RALB: variants seen among roughly 807,000 people sequenced by gnomAD.
RALB encodes the protein ras-related protein Ral-B.
Under a neutral mutation model 21.3 loss-of-function variants are expected in RALB, and 16 were observed. The ratio of observed to expected loss-of-function variants is 0.75; its 90% confidence interval spans 0.51 to 1.14. The LOEUF (loss-of-function observed/expected upper bound fraction) is 1.14, where lower values mean the gene tolerates loss of function less well. RALB is among the 50% of genes most tolerant of loss of function. The probability of loss-of-function intolerance (pLI) is 0.00; values close to 1 mark genes in which losing one functional copy is unlikely to be tolerated. For missense variants in RALB, 161 were observed against 256.2 expected, an observed-to-expected ratio of 0.63 and a Z score of 2.54; for synonymous variants, 93 against 96.1, an observed-to-expected ratio of 0.97 and a Z score of 0.19.
upstream of RALB, among the ~76,000 whole-genome samples, chr2:120,248,144 A>T (rs1689000634): frequency 6.6e-6 from 1 of 152,230 alleles, no homozygotes; most frequent in African/African-American, 2.4e-5. Flanking sequence ...GTCCAGAATC[A>T]TCAGCAGGTG....
chr2:120,268,302 C>T (rs1022597979), intron 1 of RALB, among the ~76,000 whole-genome samples: 8 of 133,582 alleles, frequency 6.0e-5, no homozygotes, highest in East Asian at 2.1e-4. Flanking sequence ...GCCCTATCCT[C>T]GGCCTCCTTC....
intron 1 of RALB, among the ~76,000 whole-genome samples, chr2:120,273,645 C>T (rs1390905096): frequency 6.6e-6 from 1 of 152,242 alleles, no homozygotes; most frequent in Non-Finnish European, 1.5e-5. Context: ...AAATTCCTCT[C>T]AGGGTTGGTG....
At chr2:120,284,994 AAAG>A (rs1221051605) in intron 2 of RALB, among the ~76,000 whole-genome samples, 3 of 152,182 alleles carry the variant, frequency 2.0e-5, no homozygotes, top group Non-Finnish European at 2.9e-5. Flanking sequence ...CACACCACTG[AAAG>A]CCTCTTGGTA....
chr2:120,291,829 G>A lies in RALB; in HGVS notation c.502-1312G>A, dbSNP rs566623021. ...CCTGATCTAGCTGGGGGCTGGGGTT[G>A]GGGGTGCTTTTCTGTGCCTGGAGCT... On this transcript the variant is annotated intron_variant, in intron 4 of 4. Transcript: ENST00000272519. 1.4e-4 allele frequency among the ~76,000 whole-genome samples: 21 copies of A among 152,266 alleles called. 1 individual carries two copies. In the South Asian group the frequency reaches 4.2e-3, roughly 30 times the overall value.
At chr2:120,276,113 T>A (rs1573344719) in intron 1 of RALB, among the ~76,000 whole-genome samples, 1 of 151,676 alleles carries the variant, frequency 6.6e-6, no homozygotes, top group Non-Finnish European at 1.5e-5. Context: ...TTCTTTCCTA[T>A]TGCACATGTG....
chr2:120,279,439 G>T (rs1260430172), intron 2 of RALB, among the ~76,000 whole-genome samples: 1 of 151,864 alleles, frequency 6.6e-6, no homozygotes, highest in Non-Finnish European at 1.5e-5. Flanking sequence ...GAAAATATTC[G>T]GGAAAAAAAC....
intron 1 of RALB, among the ~76,000 whole-genome samples, chr2:120,278,027 ATG>A (rs1371597805): frequency 2.5e-3 from 169 of 68,152 alleles, no homozygotes; most frequent in Non-Finnish European, 4.2e-3. Context: ...GTGAATGTGA[ATG>A]TGAGAGCGTG....
intron 1 of RALB, among the ~76,000 whole-genome samples, chr2:120,241,640 C>T (rs1445943744): frequency 2.6e-5 from 4 of 152,126 alleles, no homozygotes; most frequent in African/African-American, 9.7e-5. Flanking sequence ...GCAGGAGAAT[C>T]ACTTGAACCC....
chr2:120,278,730 C>T lies in RALB; in HGVS notation c.66C>T (p.Ser22=), dbSNP rs751629582. The part of the protein sequence containing the change: ...LALHKVIMVG[S]GGVGKSALTL... ...TCCACAAGGTGATCATGGTTGGCAG[C>T]GGAGGCGTTGGCAAGTCAGCCCTGA... The change falls in exon 2 of 5, where the codon AGC becomes AGT. Residue 22 remains serine, a synonymous_variant. Transcript: ENST00000272519. 15 of 1,593,110 alleles carry T rather than the reference C, an allele frequency of 9.4e-6. No homozygotes were observed. Among genetic ancestry groups the T allele is most frequent in the East Asian group, 4.6e-5 (2 of 43,290 alleles).
chr2:120,273,083 C>T (rs1689705974), intron 1 of RALB, among the ~76,000 whole-genome samples: 1 of 152,188 alleles, frequency 6.6e-6, no homozygotes. Context: ...AACCAATTCA[C>T]TGAGACCATG....
At chr2:120,275,156 G>A (rs7605557) in intron 1 of RALB, among the ~76,000 whole-genome samples, 105,728 of 152,114 alleles carry the variant, frequency 0.7, 37,342 homozygotes, top group Middle Eastern at 0.8. Context: ...CTCTGTTGGC[G>A]CACAGATGGT....
chr2:120,247,051 C>T (rs1259584787), intron 1 of RALB, among the ~76,000 whole-genome samples: 1 of 152,166 alleles, frequency 6.6e-6, no homozygotes, highest in African/African-American at 2.4e-5. Flanking sequence ...TCGCAGCTGT[C>T]ACCCCGTGGC....
At chr2:120,267,224 G>A (rs1689526610) in intron 1 of RALB, among the ~76,000 whole-genome samples, 1 of 152,034 alleles carries the variant, frequency 6.6e-6, no homozygotes, top group Non-Finnish European at 1.5e-5. Context: ...GGGGGCGCGT[G>A]GGAAGGGACA....
upstream of RALB, chr2:120,252,744 GCC>G (rs886679285): frequency 1.6e-5 from 16 of 977,198 alleles, no homozygotes; most frequent in Non-Finnish European, 1.9e-5. Flanking sequence ...TTGGCTGACA[GCC>G]CCCCGACGGG....
upstream of RALB, among the ~76,000 whole-genome samples, chr2:120,249,820 C>T (rs1558943978): frequency 2.0e-5 from 3 of 152,188 alleles, no homozygotes; most frequent in South Asian, 2.1e-4. Context: ...ACCGAGAAGC[C>T]CCTGCATCAT....
At chr2:120,244,327 CGA>C (rs1688937723) in intron 1 of RALB, among the ~76,000 whole-genome samples, 1 of 152,156 alleles carries the variant, frequency 6.6e-6, no homozygotes. Flanking sequence ...CCGGCTCTGC[CGA>C]GACACATGAG....
intron 2 of RALB, among the ~76,000 whole-genome samples, 197 bp from the exon 3 acceptor site, chr2:120,285,677 A>G (rs1361086329): frequency 1.3e-5 from 2 of 152,192 alleles, no homozygotes; most frequent in East Asian, 3.8e-4. Context: ...CTCATCTGTA[A>G]ATTGGGATAT....
chr2:120,252,467 C>T (rs548229513), upstream of RALB, among the ~76,000 whole-genome samples: 109 of 152,374 alleles, frequency 7.2e-4, no homozygotes, highest in Non-Finnish European at 1.3e-3. Flanking sequence ...TCAGGTCTGT[C>T]CTTCGCTTTT....
Position 120,293,437 on chromosome 2 carries a change from C to A in RALB, c.*177C>A. ...CTGTGGCTGGCAGAAGAAATAAGCC[C>A]ATGCAAGTGGAAGGGCTGCTTTGTC... On this transcript the variant is annotated 3_prime_UTR_variant, in exon 5 of 5. Coordinates refer to ENST00000272519, the MANE Select transcript of RALB (RefSeq NM_002881.3). The A allele has an allele frequency of 1.9e-6, 1 of 532,416 alleles. No individual in the cohort carries two copies. The allele number at this position is 532,416 out of a possible 1,614,324, so 33.0% of individuals were successfully genotyped here.
Sources: allele counts gnomAD v4.1 joint callset (sites outside exome capture counted in the v4.1 genomes callset), GRCh38; gene constraint gnomAD v4.1.1; transcripts MANE v1.5; gene names NCBI Gene and HGNC (gene_info 2026-07-23, HGNC 2026-07-21).